Variants in CDKAL1 observed in about 807,000 individuals in gnomAD.
CDKAL1 encodes CDKAL1 threonylcarbamoyladenosine tRNA methylthiotransferase, also known as threonylcarbamoyladenosine tRNA methylthiotransferase.
In CDKAL1, 32 loss-of-function variants were observed where a neutral mutation model predicts 68.2. The observed-to-expected ratio is 0.47, with a 90% CI of 0.35 to 0.63. The LOEUF is 0.63. Among genes scored for constraint, CDKAL1 ranks in the 30% least tolerant of loss-of-function variants. The pLI is 0.00. For missense variants in CDKAL1, 606 were observed against 696.7 expected (o/e 0.87, Z 1.47); for synonymous variants, 234 against 244.3 (o/e 0.96, Z 0.39).
chr6:20,655,184 T>C (rs142635169), intron 5 of CDKAL1, among the ~76,000 whole-genome samples: 1 of 152,356 alleles, frequency 6.6e-6, no homozygotes, highest in Non-Finnish European at 1.5e-5. Context: ...ATGTACTTTA[T>C]ATTTTTATAC....
intron 9 of CDKAL1, among the ~76,000 whole-genome samples, chr6:20,937,275 T>G (rs1561898994): frequency 2.6e-5 from 4 of 152,122 alleles, no homozygotes; most frequent in African/African-American, 9.7e-5. Flanking sequence ...TTTGTAGAAA[T>G]GGGGTTTCGC....
At chr6:21,153,735 A>T (rs1383660023) in intron 13 of CDKAL1, among the ~76,000 whole-genome samples, 1 of 152,198 alleles carries the variant, frequency 6.6e-6, no homozygotes, top group African/African-American at 2.4e-5. Context: ...GTAATAAAAG[A>T]GAGGGAAGAA....
chr6:20,702,055 A>C (rs1026929842), intron 5 of CDKAL1, among the ~76,000 whole-genome samples: 18 of 152,210 alleles, frequency 1.2e-4, no homozygotes, highest in Non-Finnish European at 2.5e-4. Flanking sequence ...AGGAGAAGAA[A>C]TGATCCTCTT....
At chr6:20,842,832 A>G (rs1778229951) in intron 8 of CDKAL1, among the ~76,000 whole-genome samples, 1 of 152,128 alleles carries the variant, frequency 6.6e-6, no homozygotes, top group Non-Finnish European at 1.5e-5. Context: ...ACTCCGTCTC[A>G]AAAACAAACA....
intron 7 of CDKAL1, among the ~76,000 whole-genome samples, chr6:20,780,864 G>A (rs779775546): frequency 6.1e-4 from 92 of 151,836 alleles, no homozygotes; most frequent in Non-Finnish European, 1.2e-3. Flanking sequence ...AATAGAGATG[G>A]AGTTTCACCA....
intron 4 of CDKAL1, among the ~76,000 whole-genome samples, chr6:20,589,407 T>C (rs1765502439): frequency 6.6e-6 from 1 of 152,222 alleles, no homozygotes; most frequent in African/African-American, 2.4e-5. Flanking sequence ...GCTTCCTGTT[T>C]GAGTTTAGAT....
intron 12 of CDKAL1, among the ~76,000 whole-genome samples, chr6:21,103,809 G>T (rs1227365878): frequency 1.3e-5 from 2 of 152,176 alleles, no homozygotes; most frequent in Non-Finnish European, 2.9e-5. Flanking sequence ...AATGCTTGGA[G>T]AGCTAACAGG....
intron 4 of CDKAL1, chr6:20,559,716 A>G (rs556084569): frequency 6.6e-6 from 1 of 152,300 alleles, no homozygotes; most frequent in Non-Finnish European, 1.5e-5. Flanking sequence ...TACCGGCATT[A>G]TGGTATTGAA....
At chr6:20,903,309 G>A (rs1762092404) in intron 9 of CDKAL1, among the ~76,000 whole-genome samples, 1 of 152,146 alleles carries the variant, frequency 6.6e-6, no homozygotes, top group African/African-American at 2.4e-5. Context: ...ATCTTCCCAA[G>A]CATCATTATT....
intron 7 of CDKAL1, among the ~76,000 whole-genome samples, chr6:20,764,739 G>A (rs943244434): frequency 3.3e-5 from 5 of 152,074 alleles, no homozygotes; most frequent in Admixed American, 2.0e-4. Flanking sequence ...TATGTAGCAT[G>A]GTATATCTGG....
chr6:20,998,501 A>C (rs1399328836), intron 10 of CDKAL1, among the ~76,000 whole-genome samples: 1 of 152,090 alleles, frequency 6.6e-6, no homozygotes, highest in Non-Finnish European at 1.5e-5. Context: ...AATCCCAGCT[A>C]CTTGGACGCT....
At chr6:20,678,612 C>T (rs1160637997) in intron 5 of CDKAL1, among the ~76,000 whole-genome samples, 1 of 152,080 alleles carries the variant, frequency 6.6e-6, no homozygotes, top group Non-Finnish European at 1.5e-5. Context: ...ATCAATTAAC[C>T]TATGGTAAAT....
chr6:20,713,159 T>C (rs1248229313), intron 5 of CDKAL1, among the ~76,000 whole-genome samples: 1 of 152,230 alleles, frequency 6.6e-6, no homozygotes, highest in Non-Finnish European at 1.5e-5. Flanking sequence ...TACCCTCTGA[T>C]GTTAATGCAA....
At chr6:20,597,167 C>T (rs530030410) in intron 4 of CDKAL1, among the ~76,000 whole-genome samples, 20 of 152,172 alleles carry the variant, frequency 1.3e-4, no homozygotes, top group South Asian at 6.2e-4. Flanking sequence ...CTCGCTTTGT[C>T]GCCCAGGCTG....
intron 4 of CDKAL1, among the ~76,000 whole-genome samples, chr6:20,575,413 G>C (rs1326190509): frequency 7.2e-6 from 1 of 138,058 alleles, no homozygotes; most frequent in Admixed American, 7.8e-5. Flanking sequence ...AGTGTGATAA[G>C]GGATAAGCTG....
intron 14 of CDKAL1, among the ~76,000 whole-genome samples, chr6:21,200,609 C>T (rs1370742753): frequency 6.6e-6 from 1 of 152,224 alleles, no homozygotes; most frequent in African/African-American, 2.4e-5. Flanking sequence ...CGGTTTTCCT[C>T]ATTGCATGGA....
chr6:20,790,524 G>A (rs1775854792), intron 8 of CDKAL1, among the ~76,000 whole-genome samples: 1 of 152,086 alleles, frequency 6.6e-6, no homozygotes, highest in South Asian at 2.1e-4. Context: ...ATTTTTCGTG[G>A]CCACTTTGCC....
At chr6:20,730,301 A>C (rs1772849766) in intron 5 of CDKAL1, among the ~76,000 whole-genome samples, 1 of 151,604 alleles carries the variant, frequency 6.6e-6, no homozygotes, top group South Asian at 2.1e-4. Flanking sequence ...TGAAAAAAAA[A>C]GAAAGAAAGA....
intron 9 of CDKAL1, among the ~76,000 whole-genome samples, chr6:20,943,306 TCTC>T (rs1474677913): frequency 7.0e-5 from 10 of 143,028 alleles, no homozygotes; most frequent in South Asian, 2.2e-4. Context: ...TTTAAGATTT[TCTC>T]CTCATTACCT....
Sources: allele counts gnomAD v4.1 joint callset (sites outside exome capture counted in the v4.1 genomes callset), GRCh38; gene constraint gnomAD v4.1.1; transcripts MANE v1.5; gene names NCBI Gene and HGNC (gene_info 2026-07-23, HGNC 2026-07-21).